PTBP1: variants seen among roughly 807,000 people sequenced by gnomAD.
PTBP1 encodes polypyrimidine tract binding protein 1.
In PTBP1, 8 loss-of-function variants were observed where a neutral mutation model predicts 59.8. The ratio of observed to expected loss-of-function variants is 0.13; its 90% CI spans 0.08 to 0.24. The LOEUF (loss-of-function observed/expected upper bound fraction) is 0.24. Among genes scored for constraint, PTBP1 ranks in the 10% least tolerant of loss-of-function variants. The pLI is 1.00. For synonymous variants in PTBP1, 490 were observed against 320.7 expected (o/e 1.53, Z -5.64); for missense variants, 686 against 767.0 (o/e 0.89, Z 1.25).
chr19:806,236 G>T, intron 9 of PTBP1, 172 bp from the exon 10 acceptor site: 1 of 631,750 alleles, frequency 1.6e-6, no homozygotes, highest in Non-Finnish European at 2.5e-6. Flanking sequence ...GGAGCCGGCG[G>T]GTGGCTGTGC....
At chr19:797,846 G>A (rs1451942912) in intron 1 of PTBP1, among the ~76,000 whole-genome samples, 3 of 148,400 alleles carry the variant, frequency 2.0e-5, no homozygotes, top group Non-Finnish European at 4.5e-5. Context: ...TTCCCGTCCG[G>A]CCCTCGCGCG....
intron 8 of PTBP1, 135 bp downstream of exon 8, chr19:805,322 C>A: frequency 2.4e-6 from 3 of 1,227,178 alleles, no homozygotes; most frequent in Non-Finnish European, 2.3e-6. Flanking sequence ...CAGCACAGCA[C>A]GGTCCAGTGT....
rs1393607749 is a variant in PTBP1, at chr19:811,148, C to T, written c.*322C>T. 4.2e-6 allele frequency: 1 copy of T among 235,620 alleles called. No homozygotes were observed. The highest frequency in any genetic ancestry group is 5.8e-5 in the Admixed American group (1 of 17,322). 14.6% of individuals were successfully genotyped at this position (235,620 alleles called of 1,614,324 possible). On this transcript the variant is annotated 3_prime_UTR_variant, in exon 15 of 15. Coordinates refer to ENST00000356948, the MANE Select transcript of PTBP1 (RefSeq NM_002819.5). ...GGTGGGCGCCCCGACCACGACTTGGCTTCCTTGTGCCTTAAAAAACCTGCC... is the reference window on the plus strand; with the variant it reads ...GGTGGGCGCCCCGACCACGACTTGGTTTCCTTGTGCCTTAAAAAACCTGCC...
chr19:803,493 C>A, intron 2 of PTBP1, 68 bp from the exon 3 acceptor site: 1 of 1,404,100 alleles, frequency 7.1e-7, no homozygotes, highest in Non-Finnish European at 1.0e-6. Context: ...GGAGCAGGGC[C>A]GGCCGGTGGG....
chr19:810,751 C>A lies in PTBP1; in HGVS notation c.1599C>A (p.Ala533=), dbSNP rs774948149. The A allele has an allele frequency of 6.2e-7, 1 of 1,606,872 alleles. No homozygotes were observed. Among genetic ancestry groups the A allele is most frequent in the Non-Finnish European group, 8.5e-7 (1 of 1,177,916 alleles). The change falls in exon 15 of 15, where the codon GCC becomes GCA. Residue 533 remains alanine, a synonymous_variant. Transcript: ENST00000356948. ...GCTCCGTGGAGGAGGCGGTCCAGGC[C>A]CTCATTGACCTGCACAACCACGACC... ...QMGSVEEAVQ[A]LIDLHNHDLG...
At chr19:810,479 G>T (rs185776147) in intron 13 of PTBP1, 64 bp from the exon 14 acceptor site, 13 of 1,433,368 alleles carry the variant, frequency 9.1e-6, no homozygotes, top group African/African-American at 5.7e-5. Context: ...GGAAAGCCTC[G>T]CGGACCTGAC....
In PTBP1 at chr19:808,590, C is replaced by T. The variant is rs746404857; in HGVS notation, c.1291C>T (p.Arg431Cys). 3.1e-6 allele frequency: 5 copies of T among 1,606,628 alleles called. No individual in the cohort carries two copies. Among genetic ancestry groups the T allele is most frequent in the Non-Finnish European group, 4.2e-6 (5 of 1,178,004 alleles). ...GCACAAGCTGCACGGGAAGCCCATC[C>T]GCATCACGCTCTCGAAGCACCAGAA... Reference protein sequence around the residue: ...NGHKLHGKPIRITLSKHQNVQ... With the variant: ...NGHKLHGKPICITLSKHQNVQ... Residue 431 changes from arginine (R) to cysteine (C), a missense_variant, in exon 13 of 15, where the codon CGC becomes TGC. By Grantham distance (180) the Arg-to-Cys change is radical. Transcript: ENST00000356948. This position sits in a 1 kb window ranked among gnomAD's most constrained non-coding sequence, Gnocchi z 4.7.
rs543583482 is a variant in PTBP1 at position 806,493 on chromosome 19, C to T, written c.1056C>T (p.Ile352=). 2.8e-5 allele frequency: 45 copies of T among 1,583,976 alleles called. No homozygotes were observed. The highest frequency in any genetic ancestry group is 1.7e-4 in the African/African-American group (12 of 71,820). ...CGGCAGCTGCGGCGGCAGGTCGGAT[C>T]GCCATCCCGGGCCTGGCGGGGGCAG... The part of the protein sequence containing the change: ...AAAAAAAAGR[I]AIPGLAGAGN... Residue 352 remains isoleucine, a synonymous_variant, in exon 10 of 15, where the codon ATC becomes ATT. Transcript: ENST00000356948.
At chr19:805,667 C>T (rs1279466322) in intron 9 of PTBP1, 98 bp downstream of exon 9, 6 of 1,030,432 alleles carry the variant, frequency 5.8e-6, no homozygotes, top group Non-Finnish European at 7.6e-6. Context: ...GCGGACTGGG[C>T]ACTCGAGTGC....
In PTBP1 at chr19:805,155, C is replaced by T. The variant is rs771887031; in HGVS notation, c.860C>T (p.Pro287Leu). Residue 287 changes from proline (P) to leucine (L), a missense_variant, in exon 8 of 15, where the codon CCC becomes CTC. Coordinates refer to ENST00000356948, the MANE Select transcript of PTBP1 (RefSeq NM_002819.5). ...RPDLPSGDSQ[P>L]SLDQTMAAAF... ...GACCTGCCTTCCGGGGACAGCCAGC[C>T]CTCGCTGGACCAGACCATGGCCGCG... 2 of 1,613,664 alleles carry T rather than the reference C, an allele frequency of 1.2e-6. No individual in the cohort carries two copies. The highest frequency in any genetic ancestry group is 8.5e-7 in the Non-Finnish European group (1 of 1,179,866).
intron 1 of PTBP1, among the ~76,000 whole-genome samples, chr19:797,965 C>T (rs1388000948): frequency 1.3e-5 from 2 of 149,370 alleles, no homozygotes; most frequent in African/African-American, 4.9e-5. Flanking sequence ...CGGGGGCGCG[C>T]GCCTTTCCCG....
At chr19:799,508 C>T (rs2034237613) in intron 2 of PTBP1, 65 bp downstream of exon 2, 3 of 1,516,584 alleles carry the variant, frequency 2.0e-6, no homozygotes, top group Admixed American at 3.3e-5. Context: ...CCGGGGGCCA[C>T]CCCCCAGCGC....
In PTBP1 at chr19:808,794, G is replaced by A. The variant is rs762740842; in HGVS notation, c.1463+32G>A. 4.9e-5 allele frequency: 77 copies of A among 1,578,670 alleles called. No individual in the cohort carries two copies. The highest frequency in any genetic ancestry group is 1.2e-4 in the East Asian group (5 of 43,092). Reference sequence around the variant, plus strand: ...GCTGGGCCGGGGGGCTCATGGGGCCGGGGGCGGGCAAGGGCTCTGCTTGGC... The same window carrying A: ...GCTGGGCCGGGGGGCTCATGGGGCCAGGGGCGGGCAAGGGCTCTGCTTGGC... On this transcript the variant is annotated intron_variant, in intron 13 of 14. Transcript: ENST00000356948. The surrounding 1 kb of genome is among the most constrained non-coding windows in gnomAD (Gnocchi z 4.7).
chr19:797,599 CCT>C, intron 1 of PTBP1, 94 bp downstream of exon 1: 1 of 898,330 alleles, frequency 1.1e-6, no homozygotes, highest in African/African-American at 1.8e-5. Context: ...GATCTCGCCC[CCT>C]CTCGGGCGGG....
intron 9 of PTBP1, 194 bp downstream of exon 9, chr19:805,763 G>A: frequency 1.7e-6 from 1 of 600,278 alleles, no homozygotes. Context: ...GGCTGTGGAG[G>A]CCCACGTGTG....
chr19:811,460 C>T lies in PTBP1; in HGVS notation c.*634C>T, dbSNP rs1028368483. On this transcript the variant is annotated 3_prime_UTR_variant, in exon 15 of 15. Coordinates refer to ENST00000356948, the MANE Select transcript of PTBP1 (RefSeq NM_002819.5). Reference sequence around the variant, plus strand: ...TTATATACTTTGCAGTTGCAGACGTCTGTGCCTAGCAATATTTCCAGTTGA... The same window carrying T: ...TTATATACTTTGCAGTTGCAGACGTTTGTGCCTAGCAATATTTCCAGTTGA... 5 of 152,484 alleles carry T rather than the reference C, an allele frequency of 3.3e-5. No homozygotes were observed. Among genetic ancestry groups the T allele is most frequent in the East Asian group, 1.9e-4 (1 of 5,204 alleles). 9.4% of individuals were successfully genotyped at this position (152,484 alleles called of 1,614,324 possible). A position where few individuals can be genotyped will look rare whatever the true frequency, so the allele number is the denominator to read the frequency against.
intron 13 of PTBP1, among the ~76,000 whole-genome samples, chr19:809,878 G>C (rs568707305): frequency 2.6e-5 from 4 of 152,330 alleles, no homozygotes; most frequent in South Asian, 2.1e-4. Flanking sequence ...TCCAGGCTGG[G>C]CGGCAGAGTA....
At chr19:799,684 G>GGTTCTTGCT (rs1370804905) in intron 2 of PTBP1, among the ~76,000 whole-genome samples, 37 of 152,204 alleles carry the variant, frequency 2.4e-4, no homozygotes, top group African/African-American at 8.4e-4. Context: ...GCTGCTCTTC[G>GGTTCTTGCT]GTTCTTGCTG....
At position 804,157 on chromosome 19, in the gene PTBP1, G is replaced by A. The variant is rs1338410346; in HGVS notation, c.237G>A (p.Gly79=). 4.3e-6 allele frequency: 7 copies of A among 1,612,382 alleles called. No homozygotes were observed. The highest frequency in any genetic ancestry group is 3.4e-6 in the Non-Finnish European group (4 of 1,179,030). ...DVTEGEVISL[G]LPFGKVTNLL... The stretch of plus-strand genomic sequence containing the variant: ...CGGAGGGGGAAGTCATCTCCCTGGG[G>A]CTGCCCTTTGGGAAGGTCACCAACC... The change falls in exon 4 of 15, where the codon GGG becomes GGA. Residue 79 remains glycine (G), a synonymous_variant. Coordinates refer to ENST00000356948, the MANE Select transcript of PTBP1 (RefSeq NM_002819.5).
Sources: allele counts gnomAD v4.1 joint callset (sites outside exome capture counted in the v4.1 genomes callset), GRCh38; gene constraint gnomAD v4.1.1; non-coding constraint Gnocchi (gnomAD v3.1); transcripts MANE v1.5; gene names NCBI Gene and HGNC (gene_info 2026-07-23, HGNC 2026-07-21).